The following GALNT13 variants were observed in gnomAD, a reference collection of about 807,000 sequenced individuals.
The protein encoded by GALNT13 is polypeptide N-acetylgalactosaminyltransferase 13.
In GALNT13, 28 loss-of-function variants were observed where a neutral mutation model predicts 64.2. That is an observed-to-expected ratio of 0.44 (90% confidence interval 0.32 to 0.60). The LOEUF (loss-of-function observed/expected upper bound fraction) is 0.60, where lower values mean the gene tolerates loss of function less well. Ranked by LOEUF, GALNT13 falls within the 20% of genes least tolerant of loss-of-function variation. The pLI, the probability that GALNT13 is intolerant of heterozygous loss-of-function variation, is 0.05. For synonymous variants in GALNT13, 214 were observed against 224.6 expected, an observed-to-expected ratio of 0.95 and a Z score of 0.42; for missense variants, 577 against 669.8, an observed-to-expected ratio of 0.86 and a Z score of 1.53.
intron 8 of GALNT13, among the ~76,000 whole-genome samples, chr2:154,277,487 A>G (rs1691712680): frequency 6.6e-6 from 1 of 152,190 alleles, no homozygotes; most frequent in Non-Finnish European, 1.5e-5. Context: ...TTACATGACT[A>G]CCAATCGTTT....
chr2:153,669,420 T>A, the GALNT13 span, among the ~76,000 whole-genome samples: 2 of 152,186 alleles, frequency 1.3e-5, no homozygotes, highest in Non-Finnish European at 2.9e-5. Flanking sequence ...ATTACATTGG[T>A]GATGAAATAA....
chr2:154,250,960 T>C (rs1690039045), intron 7 of GALNT13, among the ~76,000 whole-genome samples: 1 of 152,090 alleles, frequency 6.6e-6, no homozygotes, highest in Non-Finnish European at 1.5e-5. Flanking sequence ...ATGCTCTTGC[T>C]TACTCCTGTT....
At chr2:153,231,865 T>A in the GALNT13 span, among the ~76,000 whole-genome samples, 1 of 152,118 alleles carries the variant, frequency 6.6e-6, no homozygotes, top group Non-Finnish European at 1.5e-5. Context: ...GGATGTTTAA[T>A]TTAGTGGTCA....
intron 4 of GALNT13, among the ~76,000 whole-genome samples, chr2:154,212,486 C>G (rs188588395): frequency 2.0e-3 from 306 of 152,192 alleles, no homozygotes; most frequent in Middle Eastern, 3.4e-3. Flanking sequence ...TCAGATGATC[C>G]ACCCGCCTCA....
At chr2:154,097,420 A>G (rs1461908254) in intron 3 of GALNT13, among the ~76,000 whole-genome samples, 2 of 152,120 alleles carry the variant, frequency 1.3e-5, no homozygotes, top group African/African-American at 2.4e-5. Flanking sequence ...ATCCTGCTTA[A>G]AAGAAATATG....
chr2:153,394,176 T>C, the GALNT13 span, among the ~76,000 whole-genome samples: 1 of 152,098 alleles, frequency 6.6e-6, no homozygotes, highest in Admixed American at 6.6e-5. Context: ...AAATGTAGCC[T>C]GTAGAGCAGA....
chr2:153,105,715 A>G, the GALNT13 span, among the ~76,000 whole-genome samples: 1 of 152,134 alleles, frequency 6.6e-6, no homozygotes, highest in Non-Finnish European at 1.5e-5. Context: ...AAGCATTCTT[A>G]TACACCAATA....
chr2:153,720,742 G>A, the GALNT13 span, among the ~76,000 whole-genome samples: 6 of 149,422 alleles, frequency 4.0e-5, no homozygotes, highest in African/African-American at 1.2e-4. Context: ...GAAATGAAGC[G>A]AGAAGGGAAG....
the GALNT13 span, among the ~76,000 whole-genome samples, chr2:153,719,732 C>T: frequency 3.3e-5 from 5 of 151,906 alleles, no homozygotes; most frequent in Admixed American, 2.0e-4. Flanking sequence ...CACTCCCACC[C>T]GAATATTGCG....
At chr2:153,551,859 C>G in the GALNT13 span, among the ~76,000 whole-genome samples, 1 of 152,130 alleles carries the variant, frequency 6.6e-6, no homozygotes, top group Non-Finnish European at 1.5e-5. Flanking sequence ...CATTAACATA[C>G]AGATGACAAA....
chr2:154,255,822 TG>T (rs1052777359), intron 7 of GALNT13, among the ~76,000 whole-genome samples: 1 of 151,934 alleles, frequency 6.6e-6, no homozygotes, highest in Non-Finnish European at 1.5e-5. Context: ...GAGGCCAAGG[TG>T]GGCAGGTCAT....
At chr2:153,805,183 CA>C in the GALNT13 span, among the ~76,000 whole-genome samples, 4 of 151,242 alleles carry the variant, frequency 2.6e-5, no homozygotes, top group African/African-American at 9.7e-5. Flanking sequence ...AATTGGTAGT[CA>C]AAGAAAGCTC....
At chr2:154,114,602 G>A (rs1477867930) in intron 3 of GALNT13, among the ~76,000 whole-genome samples, 10 of 152,066 alleles carry the variant, frequency 6.6e-5, no homozygotes, top group South Asian at 4.1e-4. Flanking sequence ...TAAGGGGACC[G>A]GGACTCCCCT....
intron 11 of GALNT13, among the ~76,000 whole-genome samples, chr2:154,429,833 T>C (rs1157716710): frequency 6.6e-6 from 1 of 152,182 alleles, no homozygotes; most frequent in Non-Finnish European, 1.5e-5. Flanking sequence ...GTTCATTTAT[T>C]TACCATTCCC....
intron 8 of GALNT13, among the ~76,000 whole-genome samples, chr2:154,268,950 A>G (rs752136720): frequency 1.3e-5 from 2 of 152,120 alleles, no homozygotes; most frequent in Non-Finnish European, 2.9e-5. Context: ...GATCGAATTT[A>G]CTTCAAGTAC....
chr2:154,371,366 T>G (rs1293671986), intron 9 of GALNT13, among the ~76,000 whole-genome samples: 1 of 152,094 alleles, frequency 6.6e-6, no homozygotes, highest in African/African-American at 2.4e-5. Flanking sequence ...TTGCTGTCAA[T>G]GTTGTGAATC....
At chr2:154,304,492 G>A (rs1384945604) in intron 9 of GALNT13, among the ~76,000 whole-genome samples, 1 of 152,176 alleles carries the variant, frequency 6.6e-6, no homozygotes, top group Non-Finnish European at 1.5e-5. Context: ...TCAGGAATAT[G>A]AGTAATTGAG....
the GALNT13 span, among the ~76,000 whole-genome samples, chr2:153,705,871 G>A: frequency 5.3e-5 from 8 of 152,128 alleles, no homozygotes; most frequent in South Asian, 1.7e-3. Flanking sequence ...ACAATAGCAG[G>A]AATTTTGCTT....
Position 154,092,129 on chromosome 2 carries a change from C to A in GALNT13, c.143-48208C>A, listed in dbSNP as rs78978544. Among the ~76,000 whole-genome samples the A allele has an allele frequency of 6.4e-3, 901 of 139,894 alleles. 11 individuals are homozygous for A. Among genetic ancestry groups the A allele is most frequent in the African/African-American group, 0.023 (866 of 38,242 alleles). The allele number at this position is 139,894 out of a possible 152,430, so 91.8% of individuals were successfully genotyped here. Reference sequence around the variant, plus strand: ...TATAATTTAGTTGTGTACGCTTGTTCAGATGATTTCAAGTTGGTGCTTTTG... The same window carrying A: ...TATAATTTAGTTGTGTACGCTTGTTAAGATGATTTCAAGTTGGTGCTTTTG... On this transcript the variant is annotated intron_variant, in intron 3 of 12. Transcript: ENST00000392825.
Sources: allele counts gnomAD v4.1 joint callset (sites outside exome capture counted in the v4.1 genomes callset), GRCh38; gene constraint gnomAD v4.1.1; transcripts MANE v1.5; gene names NCBI Gene and HGNC (gene_info 2026-07-23, HGNC 2026-07-21).